The following C2CD2 variants were observed in gnomAD, a reference collection of about 807,000 sequenced individuals.
The protein encoded by C2CD2 is C2 calcium dependent domain containing 2, also known as C2 domain-containing protein 2.
In C2CD2, 43 loss-of-function variants were observed where a neutral mutation model predicts 74.3. That is an observed-to-expected ratio of 0.58 (90% CI 0.45 to 0.75). C2CD2 has a LOEUF of 0.75. C2CD2 is among the 30% of genes least tolerant of loss of function. The pLI, the probability that C2CD2 is intolerant of heterozygous loss-of-function variation, is 0.00. For synonymous variants in C2CD2, 422 were observed against 390.7 expected (o/e 1.08, Z -0.94); for missense variants, 801 against 916.3 (o/e 0.87, Z 1.63).
intron 2 of C2CD2, among the ~76,000 whole-genome samples, chr21:41,940,870 T>C (rs1447491257): frequency 2.6e-5 from 4 of 152,212 alleles, no homozygotes; most frequent in Non-Finnish European, 5.9e-5. Context: ...AAGAATATAC[T>C]GTATTTCTCC....
Position 41,899,700 on chromosome 21 carries a change from T to C in C2CD2, c.1561-338A>G, listed in dbSNP as rs1305237396. Among the ~76,000 whole-genome samples, 1 of 152,100 alleles carries C rather than the reference T, an allele frequency of 6.6e-6. No homozygotes were observed. The highest frequency in any genetic ancestry group is 6.6e-5 in the Admixed American group (1 of 15,262). ...AGATGCGAGAGAGAGAGCCCGTCCTTCAGAGTCCACGACAGCACAAAGGAA... is the reference window on the plus strand; with the variant it reads ...AGATGCGAGAGAGAGAGCCCGTCCTCCAGAGTCCACGACAGCACAAAGGAA... On this transcript the variant is annotated intron_variant, in intron 12 of 13. Transcript: ENST00000380486. This position sits in a 1 kb window ranked among gnomAD's most constrained non-coding sequence, Gnocchi z 4.4.
Position 41,935,759 on chromosome 21 carries a change from G to C in C2CD2, c.378+6388C>G, listed in dbSNP as rs2065301792. On this transcript the variant is annotated intron_variant, in intron 2 of 13. Transcript: ENST00000380486. ...CCCAGCTACTCGGGAGGCTGAGGCA[G>C]GAGAATCACTTGAACCTGGGAGGCA... Among the ~76,000 whole-genome samples the C allele has an allele frequency of 2.0e-5, 3 of 152,094 alleles. No individual in the cohort carries two copies. In the South Asian group the frequency reaches 6.2e-4, roughly 32 times the overall value.
chr21:41,925,626 T>C (rs531517759), intron 2 of C2CD2, among the ~76,000 whole-genome samples: 10 of 152,318 alleles, frequency 6.6e-5, no homozygotes, highest in African/African-American at 1.2e-4. Context: ...GGGGACAAAA[T>C]GGAGAGGAGA....
chr21:41,915,651 G>C (rs1035605238), intron 5 of C2CD2, among the ~76,000 whole-genome samples: 1 of 152,098 alleles, frequency 6.6e-6, no homozygotes, highest in Non-Finnish European at 1.5e-5. Flanking sequence ...TGTTGGCCAG[G>C]CTGGTCTCGA....
At position 41,899,093 on chromosome 21, in the gene C2CD2, G is replaced by A. The variant is rs140041364; in HGVS notation, c.1830C>T (p.Ser610=). 239 of 1,614,002 alleles carry A rather than the reference G, an allele frequency of 1.5e-4. 1 individual carries two copies. The African/African-American group carries it at 2.8e-3, about 19-fold the overall frequency. ...DPDGDELSES[S]MSVLEPGTAK... is the part of the protein sequence containing the mutation. Reference sequence around the variant, plus strand: ...CAGTGCCCGGCTCCAAGACACTCATGGAGCTCTCTGACAGCTCATCACCGT... The same window carrying A: ...CAGTGCCCGGCTCCAAGACACTCATAGAGCTCTCTGACAGCTCATCACCGT... The change falls in exon 13 of 14, where the codon TCC becomes TCT. Residue 610 remains serine, a synonymous_variant. Transcript: ENST00000380486. This position sits in a 1 kb window ranked among gnomAD's most constrained non-coding sequence, Gnocchi z 4.4.
intron 2 of C2CD2, among the ~76,000 whole-genome samples, chr21:41,927,751 G>C (rs927142208): frequency 5.9e-5 from 9 of 152,322 alleles, no homozygotes; most frequent in African/African-American, 2.2e-4. Context: ...TTATAGGTGT[G>C]AGCCACTGTG....
At chr21:41,922,999 CT>C (rs34673101) in intron 2 of C2CD2, among the ~76,000 whole-genome samples, 108,209 of 143,224 alleles carry the variant, frequency 0.76, 41,453 homozygotes, top group African/African-American at 0.93. Context: ...AGTCTTTTTC[CT>C]TTTTTTTTTT....
chr21:41,910,223 G>A (rs1308359243), intron 7 of C2CD2, among the ~76,000 whole-genome samples: 14 of 151,866 alleles, frequency 9.2e-5, no homozygotes. Context: ...CTAGTATTCT[G>A]CTCTTTGCCC....
chr21:41,922,147 G>T (rs1000373769), intron 2 of C2CD2, 62 bp from the exon 3 acceptor site: 7 of 922,298 alleles, frequency 7.6e-6, no homozygotes, highest in Non-Finnish European at 1.2e-5. Context: ...GCGTGCATAC[G>T]CATCTTCTTC....
rs768628813 is a variant in C2CD2, at chr21:41,909,470, C to T, written c.1007G>A (p.Arg336Gln). The T allele has an allele frequency of 2.1e-5, 34 of 1,612,768 alleles. No homozygotes were observed. The highest frequency in any genetic ancestry group is 1.7e-4 in the African/African-American group (13 of 74,924). ...ELHLQISEAG[R>Q]SSEGLLATAT... ...CCTGCTCAACCCACCTTCTGAGGATCGCCCAGCCTCTGAAATCTGCAGGTG... is the reference window on the plus strand; with the variant it reads ...CCTGCTCAACCCACCTTCTGAGGATTGCCCAGCCTCTGAAATCTGCAGGTG... The change falls in exon 8 of 14, where the codon CGA becomes CAA. Residue 336 changes from arginine (R) to glutamine (Q), a missense_variant. Coordinates refer to ENST00000380486, the MANE Select transcript of C2CD2 (RefSeq NM_015500.2).
rs456746 is a variant in C2CD2 at position 41,923,288 on chromosome 21, C to T, written c.379-1203G>A. Among the ~76,000 whole-genome samples, 555 of 152,290 alleles carry T rather than the reference C, an allele frequency of 3.6e-3. 6 individuals carry two copies. Among genetic ancestry groups the T allele is most frequent in the African/African-American group, 0.013 (531 of 41,552 alleles). On this transcript the variant is annotated intron_variant, in intron 2 of 13. Coordinates refer to ENST00000380486, the MANE Select transcript of C2CD2 (RefSeq NM_015500.2). The surrounding 1 kb of genome is among the most constrained non-coding windows in gnomAD (Gnocchi z 5.8). ...GATTACAGGCATGAGCCACCGTGCC[C>T]GGCCAACAAAGTCTTTTTCTTTAAA...
chr21:41,946,798 A>C (rs965078079), intron 1 of C2CD2, among the ~76,000 whole-genome samples: 2 of 152,142 alleles, frequency 1.3e-5, no homozygotes, highest in African/African-American at 4.8e-5. Context: ...CACAGTGCAC[A>C]CCACTTCTGT....
rs1364085819 is a variant in C2CD2, at chr21:41,887,739, G to GCTTGTTAGTA, written c.*1384_*1385insTACTAACAAG. On this transcript the variant is annotated 3_prime_UTR_variant, in exon 14 of 14. Transcript: ENST00000380486. Reference sequence around the variant, plus strand: ...TTTAATGTTTAAGGATTAACAAGAGGCTACGGAAGGAAGCTTGCCCATTTC... The same window carrying GCTTGTTAGTA: ...TTTAATGTTTAAGGATTAACAAGAGGCTTGTTAGTACTACGGAAGGAAGCTTGCCCATTTC... The GCTTGTTAGTA allele has an allele frequency of 3.3e-4, 50 of 152,324 alleles. No homozygotes were observed. Among genetic ancestry groups the GCTTGTTAGTA allele is most frequent in the African/African-American group, 1.1e-3 (46 of 41,564 alleles). 9.4% of individuals were successfully genotyped at this position (152,324 alleles called of 1,614,324 possible).
intron 13 of C2CD2, chr21:41,894,473 C>A: frequency 2.7e-6 from 1 of 367,282 alleles, no homozygotes; most frequent in Non-Finnish European, 5.4e-6. Context: ...CCAGGCCCTG[C>A]TCTTCCATGC....
intron 2 of C2CD2, among the ~76,000 whole-genome samples, chr21:41,941,532 T>C (rs1212985242): frequency 6.6e-6 from 1 of 152,212 alleles, no homozygotes; most frequent in African/African-American, 2.4e-5. Context: ...CATAAATATA[T>C]GTACATAAAT....
At chr21:41,928,766 C>A (rs1168526051) in intron 2 of C2CD2, among the ~76,000 whole-genome samples, 3 of 152,050 alleles carry the variant, frequency 2.0e-5, no homozygotes, top group Non-Finnish European at 4.4e-5. Context: ...ACACACCACA[C>A]ACACCCAGGG....
In C2CD2 at chr21:41,885,121, G is replaced by C. The variant is rs1479820084; in HGVS notation, c.*4003C>G. On this transcript the variant is annotated 3_prime_UTR_variant, in exon 14 of 14. Transcript: ENST00000380486. ...GAAAAACAACTCAGTGTAGTGTTCTGTGTGCACATTTATTTCTTTCAAAGA... is the reference window on the plus strand; with the variant it reads ...GAAAAACAACTCAGTGTAGTGTTCTCTGTGCACATTTATTTCTTTCAAAGA... 2 of 152,282 alleles carry C rather than the reference G, an allele frequency of 1.3e-5. No individual in the cohort carries two copies. Among genetic ancestry groups the C allele is most frequent in the Non-Finnish European group, 2.9e-5 (2 of 68,072 alleles). 9.4% of individuals were successfully genotyped at this position (152,282 alleles called of 1,614,324 possible). A position where few individuals can be genotyped will look rare whatever the true frequency, so the allele number is the denominator to read the frequency against.
chr21:41,953,826 A>C lies in C2CD2; in HGVS notation c.-178T>G. 2.3e-6 allele frequency: 1 copy of C among 440,506 alleles called. No homozygotes were observed. The highest frequency in any genetic ancestry group is 3.5e-6 in the Non-Finnish European group (1 of 286,752). The allele number at this position is 440,506 out of a possible 1,614,324, so 27.3% of individuals were successfully genotyped here. The stretch of plus-strand genomic sequence containing the variant: ...CTCTGGGCGGGCAAGCGGGGAGGAA[A>C]CGCGCGGCGGCCGCGGCCCGGGCTG... On this transcript the variant is annotated 5_prime_UTR_variant, in exon 1 of 14. Transcript: ENST00000380486.
chr21:41,914,763 A>C, intron 5 of C2CD2, 42 bp from the exon 6 acceptor site: 1 of 1,589,522 alleles, frequency 6.3e-7, no homozygotes, highest in South Asian at 1.1e-5. Context: ...CTTCATGGGG[A>C]GATTGAGGGC....
Sources: gnomAD v4.1 joint callset for allele counts (sites outside exome capture counted in the v4.1 genomes callset) on GRCh38, gnomAD v4.1.1 for gene constraint, Gnocchi (gnomAD v3.1) non-coding constraint, MANE v1.5 for transcripts, NCBI Gene and HGNC (gene_info 2026-07-23, HGNC 2026-07-21) for gene names.